PIN4: variants seen among roughly 807,000 people sequenced by gnomAD.
PIN4 encodes peptidyl-prolyl cis-trans isomerase NIMA-interacting 4.
Under a neutral mutation model 8.3 loss-of-function variants are expected in PIN4, and 3 were observed. The observed-to-expected ratio is 0.36, with a 90% CI of 0.16 to 0.93. The LOEUF is 0.93. Among genes scored for constraint, PIN4 ranks in the 40% least tolerant of loss-of-function variants. The pLI is 0.44. For synonymous variants in PIN4, 18 were observed against 32.5 expected, an observed-to-expected ratio of 0.55 and a Z score of 1.52; for missense variants, 75 against 100.6, an observed-to-expected ratio of 0.75 and a Z score of 1.09.
chrX:72,185,212 T>A (rs2042696601), intron 1 of PIN4, among the ~76,000 whole-genome samples: 2 of 98,229 alleles, frequency 2.0e-5, no homozygotes, highest in Admixed American at 1.2e-4. Flanking sequence ...AGTCCCAAGC[T>A]CCTTAATGGG....
intron 2 of PIN4, among the ~76,000 whole-genome samples, chrX:72,192,736 G>A (rs935037453): frequency 9.0e-6 from 1 of 110,567 alleles, no homozygotes; most frequent in Non-Finnish European, 1.9e-5. Flanking sequence ...TAAGACTACA[G>A]ATGTGCACCA....
At chrX:72,226,768 A>G (rs986542163) in intron 3 of PIN4, among the ~76,000 whole-genome samples, 4 of 111,519 alleles carry the variant, frequency 3.6e-5, no homozygotes, top group African/African-American at 1.3e-4. Context: ...AGAACACCAA[A>G]TACAGCAACT....
At position 72,186,075 on chromosome X, in the gene PIN4, G is replaced by A. The variant is rs746115561; in HGVS notation, c.44-386G>A. Among the ~76,000 whole-genome samples, 14 of 112,112 alleles carry A rather than the reference G, an allele frequency of 1.2e-4. No individual in the cohort carries two copies. In the East Asian group the frequency reaches 2.2e-3, roughly 18 times the overall value. ...AGATTTCCTGTTTGAAGAAAGATGG[G>A]TCAGATTAATTTAGCTTGATGTTGT... On this transcript the variant is annotated intron_variant, in intron 1 of 3. Coordinates refer to ENST00000373669, the MANE Select transcript of PIN4 (RefSeq NM_006223.4).
chrX:72,192,639 C>T lies in PIN4; in HGVS notation c.118-4146C>T, dbSNP rs915693869. On this transcript the variant is annotated intron_variant, in intron 2 of 3. Transcript: ENST00000373669. The stretch of plus-strand genomic sequence containing the variant: ...TTGCTCTGTCACACAGGCCGGGGTG[C>T]ATGACATGCAGTGGCATGATCATAG... Among the ~76,000 whole-genome samples, 12 of 111,166 alleles carry T rather than the reference C, an allele frequency of 1.1e-4. No homozygotes were observed. In the Admixed American group the frequency reaches 1.1e-3, roughly 11 times the overall value.
intron 2 of PIN4, among the ~76,000 whole-genome samples, chrX:72,193,882 A>T (rs1408018933): frequency 9.0e-6 from 1 of 110,856 alleles, no homozygotes; most frequent in Admixed American, 9.6e-5. Context: ...CAAAAAAAAA[A>T]AAAAGAAAAA....
At chrX:72,236,476 A>C (rs757992569) in intron 3 of PIN4, among the ~76,000 whole-genome samples, 40 of 110,886 alleles carry the variant, frequency 3.6e-4, no homozygotes, top group Non-Finnish European at 5.5e-4. Flanking sequence ...TTGTATTTTT[A>C]GTAGAGACGG....
intron 3 of PIN4, among the ~76,000 whole-genome samples, chrX:72,224,315 C>T (rs1329385024): frequency 9.0e-6 from 1 of 111,471 alleles, no homozygotes; most frequent in Non-Finnish European, 1.9e-5. Context: ...TTGGTCATTC[C>T]TCATTGTCCC....
At chrX:72,219,750 G>A (rs1406030519) in intron 3 of PIN4, among the ~76,000 whole-genome samples, 1 of 108,492 alleles carries the variant, frequency 9.2e-6, no homozygotes, top group East Asian at 2.9e-4. Context: ...TCAGGAGGCT[G>A]AGGCAGGAGA....
At chrX:72,192,497 C>A (rs970024496) in intron 2 of PIN4, among the ~76,000 whole-genome samples, 5 of 111,719 alleles carry the variant, frequency 4.5e-5, no homozygotes, top group African/African-American at 1.6e-4. Flanking sequence ...CCTTGTTGAC[C>A]ATTTCCTCCT....
At chrX:72,191,348 C>T (rs1435415277) in intron 2 of PIN4, among the ~76,000 whole-genome samples, 2 of 110,158 alleles carry the variant, frequency 1.8e-5, no homozygotes, top group South Asian at 3.9e-4. Flanking sequence ...GTCAGGAATT[C>T]GAGACCAGCC....
intron 3 of PIN4, among the ~76,000 whole-genome samples, chrX:72,215,872 T>C (rs940806045): frequency 2.5e-4 from 28 of 110,804 alleles, no homozygotes; most frequent in African/African-American, 8.9e-4. Flanking sequence ...TTCTCCTAGA[T>C]TTCTTCTACC....
chrX:72,218,927 T>A (rs1187501534), intron 3 of PIN4, among the ~76,000 whole-genome samples: 2 of 112,939 alleles, frequency 1.8e-5, no homozygotes, highest in Non-Finnish European at 3.7e-5. Flanking sequence ...CGTATAAATT[T>A]ACTCCTAAGC....
chrX:72,212,729 C>T (rs886354086), intron 3 of PIN4, among the ~76,000 whole-genome samples: 6 of 111,813 alleles, frequency 5.4e-5, no homozygotes, highest in Non-Finnish European at 9.4e-5. Flanking sequence ...TTGCTTGAGC[C>T]CAGGAGTTTG....
intron 3 of PIN4, among the ~76,000 whole-genome samples, chrX:72,251,958 TA>T (rs1175701119): frequency 9.1e-6 from 1 of 110,268 alleles, no homozygotes; most frequent in Non-Finnish European, 1.9e-5. Flanking sequence ...AAAAATAAAA[TA>T]AAAAAAACAA....
intron 3 of PIN4, among the ~76,000 whole-genome samples, chrX:72,254,994 C>A (rs1214367093): frequency 9.1e-6 from 1 of 109,677 alleles, no homozygotes; most frequent in Non-Finnish European, 1.9e-5. Context: ...TAAAGGAGGG[C>A]CAGCAGGAAC....
intron 3 of PIN4, among the ~76,000 whole-genome samples, chrX:72,215,750 G>A (rs1418686218): frequency 1.8e-5 from 2 of 111,008 alleles, no homozygotes; most frequent in Admixed American, 9.7e-5. Flanking sequence ...CAAACTCCAT[G>A]GACAGTTCTT....
Position 72,256,702 on chromosome X carries a change from A to G in PIN4, c.313-6005A>G, listed in dbSNP as rs185325721. Among the ~76,000 whole-genome samples, 5 of 112,181 alleles carry G rather than the reference A, an allele frequency of 4.5e-5. No individual in the cohort carries two copies. The East Asian group carries it at 1.1e-3, about 25-fold the overall frequency. On this transcript the variant is annotated intron_variant, in intron 3 of 3. Transcript: ENST00000423432. ...ACAAAACAGGAGAGCAGGAATAGCA[A>G]GTGTTGGTGGAGTAGGTGTTGCAGA... is the stretch of plus-strand genomic sequence containing the variant.
At chrX:72,196,699 G>T in intron 2 of PIN4, 86 bp from the exon 3 acceptor site, 2 of 795,119 alleles carry the variant, frequency 2.5e-6, no homozygotes, top group Admixed American at 3.1e-5. Flanking sequence ...TTTTTTAACT[G>T]GTGGGGGTAA....
chrX:72,187,945 T>C (rs1309327535), intron 2 of PIN4, among the ~76,000 whole-genome samples: 2 of 112,396 alleles, frequency 1.8e-5, no homozygotes, highest in South Asian at 3.7e-4. Context: ...ATGTGTAGCC[T>C]AAAAAAGAGA....
Sources: gnomAD v4.1 joint callset for allele counts (sites outside exome capture counted in the v4.1 genomes callset) on GRCh38, gnomAD v4.1.1 for gene constraint, MANE v1.5 for transcripts, NCBI Gene and HGNC (gene_info 2026-07-23, HGNC 2026-07-21) for gene names.